The following FAM107A variants were observed in gnomAD, a reference collection of about 807,000 sequenced individuals.
FAM107A encodes actin-associated protein FAM107A.
A neutral mutation model predicts 13.7 loss-of-function variants in FAM107A; 19 were observed. That is an observed-to-expected ratio of 1.38 (90% confidence interval 0.97 to 2.03). FAM107A has a LOEUF of 2.03. FAM107A is among the 30% of genes most tolerant of loss of function. The pLI is 0.00. For synonymous variants in FAM107A, 82 were observed against 74.5 expected, an observed-to-expected ratio of 1.10 and a Z score of -0.52; for missense variants, 203 against 184.4, an observed-to-expected ratio of 1.10 and a Z score of -0.58.
At chr3:58,568,477 A>AT (rs903365625) in intron 2 of FAM107A, among the ~76,000 whole-genome samples, 13 of 151,650 alleles carry the variant, frequency 8.6e-5, no homozygotes, top group East Asian at 5.8e-4. Flanking sequence ...AGAGATCTGA[A>AT]TTTTTTTTTG....
At chr3:58,611,684 G>C (rs1337754075) in intron 1 of FAM107A, among the ~76,000 whole-genome samples, 1 of 152,192 alleles carries the variant, frequency 6.6e-6, no homozygotes, top group East Asian at 1.9e-4. Flanking sequence ...ACGGCTGCCT[G>C]GGTCTGATTC....
At chr3:58,578,413 C>G (rs1400095016), upstream of FAM107A, among the ~76,000 whole-genome samples, 2 of 152,110 alleles carry the variant, frequency 1.3e-5, no homozygotes, top group East Asian at 3.9e-4. Context: ...ACTAAAAATA[C>G]AAAAATTAGC....
At chr3:58,599,191 C>T (rs1484069389) in intron 1 of FAM107A, among the ~76,000 whole-genome samples, 1 of 152,206 alleles carries the variant, frequency 6.6e-6, no homozygotes, top group Non-Finnish European at 1.5e-5. Context: ...ATCCGCCTGC[C>T]TCAGCCTCCC....
In FAM107A at chr3:58,564,565, C is replaced by T. The variant is rs2063601627; in HGVS notation, c.*2023G>A. 6.6e-6 allele frequency: 1 copy of T among 152,268 alleles called. No individual in the cohort carries two copies. Among genetic ancestry groups the T allele is most frequent in the African/African-American group, 2.4e-5 (1 of 41,460 alleles). The allele number at this position is 152,268 out of a possible 1,614,324, so 9.4% of individuals were successfully genotyped here. ...GCGTGGTGCTTGAGGTCCCTTCTAC[C>T]TCTGGGGCTTCATGGAATGACTTGT... On this transcript the variant is annotated 3_prime_UTR_variant, in exon 4 of 4. Coordinates refer to ENST00000360997, the MANE Select transcript of FAM107A (RefSeq NM_001076778.3). This position sits in a 1 kb window ranked among gnomAD's most constrained non-coding sequence, Gnocchi z 5.6.
intron 1 of FAM107A, among the ~76,000 whole-genome samples, chr3:58,606,816 C>A (rs369954682): frequency 6.6e-6 from 1 of 152,182 alleles, no homozygotes; most frequent in Admixed American, 6.5e-5. Context: ...ACAGACCAAC[C>A]CCCACCCCCA....
At chr3:58,621,994 CAGGTGGGGGAG>C (rs1435811678) in intron 1 of FAM107A, among the ~76,000 whole-genome samples, 1 of 152,158 alleles carries the variant, frequency 6.6e-6, no homozygotes, top group African/African-American at 2.4e-5. Flanking sequence ...AGCTCAGTGT[CAGGTGGGGGAG>C]AGGTCTTGGG....
intron 1 of FAM107A, among the ~76,000 whole-genome samples, chr3:58,598,425 C>G (rs1192064198): frequency 6.6e-6 from 1 of 152,206 alleles, no homozygotes; most frequent in Non-Finnish European, 1.5e-5. Flanking sequence ...TCCATTCATT[C>G]AGCCCCTTAG....
upstream of FAM107A, chr3:58,587,174 A>C (rs1183265764): frequency 2.4e-6 from 3 of 1,261,338 alleles, no homozygotes; most frequent in Non-Finnish European, 3.1e-6. Context: ...GCGCGGGTGA[A>C]CGTCTGCAGT....
At chr3:58,598,506 C>A (rs1387528676) in intron 1 of FAM107A, among the ~76,000 whole-genome samples, 1 of 152,228 alleles carries the variant, frequency 6.6e-6, no homozygotes, top group Non-Finnish European at 1.5e-5. Context: ...ACCCACCCCC[C>A]AGCAGGCAGC....
rs1274838910 is a variant in FAM107A at position 58,604,755 on chromosome 3, T to C, written c.-69-15486A>G. ...TGGACTAGGTGCTTCAGGGTCTTCATCTACTAACTCTGACCTCCAGACCAT... is the reference window on the plus strand; with the variant it reads ...TGGACTAGGTGCTTCAGGGTCTTCACCTACTAACTCTGACCTCCAGACCAT... On this transcript the variant is annotated intron_variant, in intron 1 of 3. Transcript: ENST00000465970. The surrounding 1 kb of genome is among the most constrained non-coding windows in gnomAD (Gnocchi z 4.1). Among the ~76,000 whole-genome samples the C allele has an allele frequency of 6.6e-6, 1 of 152,232 alleles. No individual in the cohort carries two copies. The highest frequency in any genetic ancestry group is 1.5e-5 in the Non-Finnish European group (1 of 68,044).
At chr3:58,582,376 C>T (rs1243528846), upstream of FAM107A, among the ~76,000 whole-genome samples, 1 of 152,180 alleles carries the variant, frequency 6.6e-6, no homozygotes, top group Non-Finnish European at 1.5e-5. Context: ...TTGCTGATGC[C>T]CGCAGGCACC....
rs2065612380 is a variant in FAM107A at position 58,586,905 on chromosome 3, C to T, written c.32G>A (p.Gly11Glu). ...GTAGAGCCCGGTGGCATCGGAGGGCCCCCGGGCCCACTCGCCCAGCCTCTG... is the reference window on the plus strand; with the variant it reads ...GTAGAGCCCGGTGGCATCGGAGGGCTCCCGGGCCCACTCGCCCAGCCTCTG... The change falls in exon 1 of 4, where the codon GGG becomes GAG. Residue 11 changes from glycine (G) to glutamate (E), a missense_variant. Coordinates refer to the FAM107A transcript ENST00000447756. The T allele has an allele frequency of 4.6e-6, 7 of 1,532,864 alleles. No homozygotes were observed. In the East Asian group the frequency reaches 1.7e-4, roughly 38 times the overall value. 95.0% of individuals were successfully genotyped at this position (1,532,864 alleles called of 1,614,324 possible).
chr3:58,590,453 A>G (rs951821316), upstream of FAM107A, among the ~76,000 whole-genome samples: 3 of 152,212 alleles, frequency 2.0e-5, no homozygotes, highest in African/African-American at 4.8e-5. Flanking sequence ...GGATACCAAC[A>G]GTAATTTGTT....
At chr3:58,612,851 C>T (rs2065866970) in intron 1 of FAM107A, among the ~76,000 whole-genome samples, 1 of 152,112 alleles carries the variant, frequency 6.6e-6, no homozygotes. Context: ...ATCACCGCCC[C>T]CTTGCCTGTT....
At chr3:58,600,058 G>A (rs1462320160) in intron 1 of FAM107A, among the ~76,000 whole-genome samples, 1 of 151,974 alleles carries the variant, frequency 6.6e-6, no homozygotes, top group Non-Finnish European at 1.5e-5. Flanking sequence ...TGGGTGATAG[G>A]ACAATATCCC....
chr3:58,599,484 G>A (rs2065734400), intron 1 of FAM107A, among the ~76,000 whole-genome samples: 1 of 152,118 alleles, frequency 6.6e-6, no homozygotes, highest in Admixed American at 6.5e-5. Context: ...AAGGCTTTAT[G>A]TTATGAATCT....
chr3:58,605,252 C>T (rs889109718), intron 1 of FAM107A, among the ~76,000 whole-genome samples: 1 of 152,228 alleles, frequency 6.6e-6, no homozygotes, highest in African/African-American at 2.4e-5. Context: ...CCCCAGTTCA[C>T]TCTTAACCCT....
At chr3:58,583,312 G>A (rs1310695969) in intron 1 of FAM107A, among the ~76,000 whole-genome samples, 2 of 152,120 alleles carry the variant, frequency 1.3e-5, no homozygotes. Flanking sequence ...TGGTGAGCAT[G>A]TCTTACTCTA....
intron 1 of FAM107A, among the ~76,000 whole-genome samples, chr3:58,621,235 C>T (rs62250321): frequency 0.042 from 6,343 of 152,238 alleles, 178 homozygotes; most frequent in Non-Finnish European, 0.062. Context: ...CCCCAGCATA[C>T]GTGTTTGCGC....
Sources: allele counts gnomAD v4.1 joint callset (sites outside exome capture counted in the v4.1 genomes callset), GRCh38; gene constraint gnomAD v4.1.1; non-coding constraint Gnocchi (gnomAD v3.1); transcripts MANE v1.5; gene names NCBI Gene and HGNC (gene_info 2026-07-23, HGNC 2026-07-21).